Variants in DCC observed in about 807,000 individuals in gnomAD.
DCC encodes netrin receptor DCC.
DCC carries 58 observed loss-of-function variants against 172.5 expected under a neutral mutation model. The observed-to-expected ratio is 0.34, with a 90% confidence interval of 0.27 to 0.42. The LOEUF (loss-of-function observed/expected upper bound fraction) is 0.42. DCC is among the 10% of genes least tolerant of loss of function. DCC has a pLI of 1.00. For synonymous variants in DCC, 709 were observed against 644.5 expected, an observed-to-expected ratio of 1.10 and a Z score of -1.52; for missense variants, 1,740 against 1,791.0, an observed-to-expected ratio of 0.97 and a Z score of 0.51.
intron 1 of DCC, among the ~76,000 whole-genome samples, chr18:52,745,739 C>G (rs1476188070): frequency 1.3e-5 from 2 of 152,172 alleles, no homozygotes; most frequent in Admixed American, 1.3e-4. Context: ...AGAACTTACT[C>G]CTCCTGTCTA....
At chr18:53,305,786 G>A in intron 13 of DCC, 67 bp downstream of exon 13, 1 of 1,507,480 alleles carries the variant, frequency 6.6e-7, no homozygotes, top group Non-Finnish European at 9.2e-7. Flanking sequence ...ATAAAATATA[G>A]TCTCACTCCA....
At chr18:52,831,365 T>C (rs1598847648) in intron 2 of DCC, among the ~76,000 whole-genome samples, 2 of 152,096 alleles carry the variant, frequency 1.3e-5, no homozygotes, top group African/African-American at 4.8e-5. Flanking sequence ...AGGAGAAATA[T>C]GATCTGATCA....
At chr18:52,862,942 C>T (rs989524068) in intron 2 of DCC, among the ~76,000 whole-genome samples, 2 of 151,994 alleles carry the variant, frequency 1.3e-5, no homozygotes, top group African/African-American at 2.4e-5. Flanking sequence ...CAAGGAGAAA[C>T]CTAAATTCTA....
At chr18:52,423,390 G>C (rs1437238692) in intron 1 of DCC, among the ~76,000 whole-genome samples, 4 of 151,996 alleles carry the variant, frequency 2.6e-5, no homozygotes, top group Non-Finnish European at 5.9e-5. Context: ...ATTCTGACTG[G>C]GTCTGACCAT....
At chr18:52,996,163 G>T (rs951253545) in intron 5 of DCC, among the ~76,000 whole-genome samples, 1 of 151,910 alleles carries the variant, frequency 6.6e-6, no homozygotes, top group Non-Finnish European at 1.5e-5. Context: ...GTAAAATTAT[G>T]AAGTGCATAC....
Position 53,179,100 on chromosome 18 carries a change from G to A in DCC, c.1557G>A (p.Val519=), listed in dbSNP as rs1375834228. 1.9e-6 allele frequency: 3 copies of A among 1,613,840 alleles called. No homozygotes were observed. Among genetic ancestry groups the A allele is most frequent in the Non-Finnish European group, 2.5e-6 (3 of 1,179,894 alleles). Residue 519 remains valine, a synonymous_variant, in exon 9 of 29, where the codon GTG becomes GTA. Transcript: ENST00000442544. The part of the protein sequence containing the change: ...GPGESSQPIK[V]ATQPELQVPG... The stretch of plus-strand genomic sequence containing the variant: ...GAGAGAGTTCTCAACCCATCAAGGT[G>A]GCCACACAGCCTGAGTGTGAGTATG...
intron 14 of DCC, among the ~76,000 whole-genome samples, chr18:53,335,212 G>A (rs1244001011): frequency 6.6e-6 from 1 of 152,094 alleles, no homozygotes; most frequent in Non-Finnish European, 1.5e-5. Context: ...TCTGATGTTT[G>A]CTTGACTGGC....
At chr18:53,449,333 G>C (rs1390803461) in intron 22 of DCC, among the ~76,000 whole-genome samples, 1 of 152,146 alleles carries the variant, frequency 6.6e-6, no homozygotes, top group Non-Finnish European at 1.5e-5. Flanking sequence ...AGAAAGCTAC[G>C]TCAAGGGTCA....
intron 2 of DCC, among the ~76,000 whole-genome samples, chr18:52,881,458 T>A (rs983790547): frequency 7.2e-5 from 11 of 152,208 alleles, no homozygotes; most frequent in African/African-American, 2.7e-4. Context: ...CCCAAAAGTT[T>A]TACTGTAGTA....
chr18:52,644,928 C>T (rs893792306), intron 1 of DCC, among the ~76,000 whole-genome samples: 10 of 151,202 alleles, frequency 6.6e-5, no homozygotes, highest in Non-Finnish European at 1.5e-4. Flanking sequence ...TATTCATTAG[C>T]ATTGACCCCA....
At chr18:52,894,838 A>G (rs2039705540) in intron 2 of DCC, among the ~76,000 whole-genome samples, 1 of 152,076 alleles carries the variant, frequency 6.6e-6, no homozygotes. Flanking sequence ...GCCCACCCAC[A>G]CTGGGGAAGA....
chr18:53,204,547 TG>T (rs2055594924), intron 9 of DCC, among the ~76,000 whole-genome samples: 1 of 114,192 alleles, frequency 8.8e-6, no homozygotes, highest in African/African-American at 3.5e-5. Context: ...ACTCTGTTTC[TG>T]GAAAAAAAAA....
intron 1 of DCC, among the ~76,000 whole-genome samples, chr18:52,694,091 C>T (rs1039192751): frequency 6.6e-6 from 1 of 151,966 alleles, no homozygotes; most frequent in Non-Finnish European, 1.5e-5. Flanking sequence ...TAGCATGTCC[C>T]CCAGTATGAT....
chr18:53,250,728 A>G (rs183187919), intron 12 of DCC, among the ~76,000 whole-genome samples: 341 of 151,854 alleles, frequency 2.2e-3, no homozygotes, highest in African/African-American at 7.7e-3. Context: ...CTGGACTGTA[A>G]TCAACTGTCT....
intron 12 of DCC, among the ~76,000 whole-genome samples, chr18:53,262,608 A>G (rs1598960832): frequency 6.6e-6 from 1 of 152,224 alleles, no homozygotes; most frequent in African/African-American, 2.4e-5. Context: ...ATAATTTCAT[A>G]TGTGTTCTCC....
chr18:53,303,759 T>C (rs966007290), intron 12 of DCC, among the ~76,000 whole-genome samples: 2 of 152,192 alleles, frequency 1.3e-5, no homozygotes, highest in Non-Finnish European at 2.9e-5. Context: ...GTGAGTGTGC[T>C]ACAGTGCTCT....
At position 52,700,027 on chromosome 18, in the gene DCC, C is replaced by T. The variant is rs558019063; in HGVS notation, c.92-52027C>T. ...GTAGAGCAATGTATTCTTCACTCTTCCTTTCAGTGATCTGTTTATGCAAAA... is the reference window on the plus strand; with the variant it reads ...GTAGAGCAATGTATTCTTCACTCTTTCTTTCAGTGATCTGTTTATGCAAAA... On this transcript the variant is annotated intron_variant, in intron 1 of 28. Coordinates refer to ENST00000442544, the MANE Select transcript of DCC (RefSeq NM_005215.4). Among the ~76,000 whole-genome samples, 9 of 147,908 alleles carry T rather than the reference C, an allele frequency of 6.1e-5. No individual in the cohort carries two copies. The South Asian group carries it at 1.7e-3, about 28-fold the overall frequency.
intron 2 of DCC, among the ~76,000 whole-genome samples, chr18:52,755,712 T>C (rs1364945956): frequency 6.6e-6 from 1 of 152,192 alleles, no homozygotes; most frequent in African/African-American, 2.4e-5. Flanking sequence ...TAGGCTTTGC[T>C]TGGGTAAAAC....
At chr18:52,642,065 T>C (rs2034913161) in intron 1 of DCC, among the ~76,000 whole-genome samples, 1 of 7,516 alleles carries the variant, frequency 1.3e-4, no homozygotes, top group South Asian at 0.019. Context: ...TGTGTGTGTA[T>C]ATATATATAT....
Sources: allele counts gnomAD v4.1 joint callset (sites outside exome capture counted in the v4.1 genomes callset), GRCh38; gene constraint gnomAD v4.1.1; transcripts MANE v1.5; gene names NCBI Gene and HGNC (gene_info 2026-07-23, HGNC 2026-07-21).